The following LRRC4C variants were observed in gnomAD, a reference collection of about 807,000 sequenced individuals.
LRRC4C encodes the protein leucine-rich repeat-containing protein 4C.
LRRC4C carries 5 observed loss-of-function variants against 33.6 expected under a neutral mutation model. The ratio of observed to expected loss-of-function variants is 0.15; its 90% confidence interval spans 0.08 to 0.31. The LOEUF (loss-of-function observed/expected upper bound fraction) is 0.31, where lower values mean the gene tolerates loss of function less well. Ranked by LOEUF, LRRC4C falls within the 10% of genes least tolerant of loss-of-function variation. LRRC4C has a pLI of 1.00. For missense variants in LRRC4C, 560 were observed against 796.7 expected, an observed-to-expected ratio of 0.70 and a Z score of 3.58; for synonymous variants, 329 against 302.0, an observed-to-expected ratio of 1.09 and a Z score of -0.93.
intron 1 of LRRC4C, among the ~76,000 whole-genome samples, chr11:41,154,693 A>G (rs1944148187): frequency 1.3e-5 from 2 of 152,180 alleles, no homozygotes; most frequent in South Asian, 2.1e-4. Context: ...GAACTAATTG[A>G]TATCATTGGC....
At chr11:40,919,361 T>C (rs1007194963) in intron 2 of LRRC4C, among the ~76,000 whole-genome samples, 1 of 152,204 alleles carries the variant, frequency 6.6e-6, no homozygotes, top group Non-Finnish European at 1.5e-5. Flanking sequence ...GAAATTAAGA[T>C]AATGACAGTT....
intron 2 of LRRC4C, among the ~76,000 whole-genome samples, chr11:40,657,667 C>T (rs993977822): frequency 2.0e-5 from 3 of 152,142 alleles, no homozygotes; most frequent in Non-Finnish European, 4.4e-5. Context: ...CTTTCCAGAC[C>T]AAGCCAATGT....
At chr11:40,231,433 T>C (rs1279665894) in intron 5 of LRRC4C, among the ~76,000 whole-genome samples, 2 of 150,616 alleles carry the variant, frequency 1.3e-5, no homozygotes, top group African/African-American at 4.8e-5. Context: ...TGTATACACA[T>C]ATAAGTACAT....
At chr11:40,386,679 T>G (rs896396469) in intron 3 of LRRC4C, among the ~76,000 whole-genome samples, 1 of 152,180 alleles carries the variant, frequency 6.6e-6, no homozygotes, top group African/African-American at 2.4e-5. Context: ...TTTTCTAGCT[T>G]TCTTCGCTTT....
chr11:40,402,408 A>G (rs1183933404), intron 3 of LRRC4C, among the ~76,000 whole-genome samples: 1 of 152,102 alleles, frequency 6.6e-6, no homozygotes, highest in African/African-American at 2.4e-5. Flanking sequence ...GATATATTTT[A>G]TTCTCTTTTT....
At chr11:40,671,251 TAAAG>T (rs1179719739) in intron 2 of LRRC4C, among the ~76,000 whole-genome samples, 1 of 152,234 alleles carries the variant, frequency 6.6e-6, no homozygotes, top group Non-Finnish European at 1.5e-5. Flanking sequence ...TTTAAATTAT[TAAAG>T]AAGCTTTAGC....
intron 5 of LRRC4C, among the ~76,000 whole-genome samples, chr11:40,147,724 C>T (rs1857860775): frequency 6.6e-6 from 1 of 151,752 alleles, no homozygotes; most frequent in Non-Finnish European, 1.5e-5. Context: ...TGAGAGGAAA[C>T]TTTATTTTTT....
chr11:41,326,045 G>A (rs185477206), intron 1 of LRRC4C, among the ~76,000 whole-genome samples: 26 of 151,962 alleles, frequency 1.7e-4, no homozygotes, highest in Middle Eastern at 3.4e-3. Context: ...ATTGTTCTTG[G>A]GTGTGTCTGT....
chr11:40,235,461 T>C (rs9300033), intron 5 of LRRC4C, among the ~76,000 whole-genome samples: 116,260 of 152,130 alleles, frequency 0.76, 48,810 homozygotes, highest in East Asian at 0.96. Flanking sequence ...TGTCTAAATG[T>C]CAAAGCAAAC....
chr11:40,686,966 C>T (rs749914871), intron 2 of LRRC4C, among the ~76,000 whole-genome samples: 1 of 152,092 alleles, frequency 6.6e-6, no homozygotes, highest in Admixed American at 6.6e-5. Context: ...TCAGGCCACA[C>T]GCAAGACTTC....
chr11:40,995,949 A>G (rs954973497), intron 1 of LRRC4C, among the ~76,000 whole-genome samples: 2 of 152,148 alleles, frequency 1.3e-5, no homozygotes, highest in Non-Finnish European at 2.9e-5. Context: ...ATGAAAGTCT[A>G]CTCTAATATG....
chr11:40,511,890 G>A (rs923770754), intron 3 of LRRC4C, among the ~76,000 whole-genome samples: 1 of 152,112 alleles, frequency 6.6e-6, no homozygotes, highest in African/African-American at 2.4e-5. Flanking sequence ...ACACAAAAGT[G>A]ACTATTGTAG....
chr11:40,242,784 CA>C (rs5791365), intron 4 of LRRC4C, among the ~76,000 whole-genome samples: 1 of 149,700 alleles, frequency 6.7e-6, no homozygotes, highest in Non-Finnish European at 1.5e-5. Context: ...GTGTATCATC[CA>C]AAAAAAAACA....
At chr11:40,977,127 T>C (rs913041716) in intron 1 of LRRC4C, among the ~76,000 whole-genome samples, 1 of 151,958 alleles carries the variant, frequency 6.6e-6, no homozygotes, top group Non-Finnish European at 1.5e-5. Flanking sequence ...GGGTTTGCCC[T>C]CCTATGAAGA....
chr11:40,337,370 G>A (rs1173110922), intron 3 of LRRC4C, among the ~76,000 whole-genome samples: 1 of 152,192 alleles, frequency 6.6e-6, no homozygotes, highest in Non-Finnish European at 1.5e-5. Context: ...TCTAGCTCCT[G>A]CGCAGAGGGT....
At chr11:41,161,040 G>A (rs912186291) in intron 1 of LRRC4C, among the ~76,000 whole-genome samples, 1 of 152,156 alleles carries the variant, frequency 6.6e-6, no homozygotes, top group East Asian at 1.9e-4. Flanking sequence ...TCTAAACAGA[G>A]CAGCAGTTCT....
At chr11:40,732,266 C>T (rs958318721) in intron 2 of LRRC4C, among the ~76,000 whole-genome samples, 1 of 152,106 alleles carries the variant, frequency 6.6e-6, no homozygotes, top group Non-Finnish European at 1.5e-5. Context: ...CCAGCTAACT[C>T]AAATTGTAGC....
intron 3 of LRRC4C, among the ~76,000 whole-genome samples, chr11:40,488,738 C>T (rs2138488939): frequency 6.6e-6 from 1 of 152,168 alleles, no homozygotes; most frequent in Non-Finnish European, 1.5e-5. Context: ...TTGGACTTGA[C>T]ACATCCTGTG....
At position 40,426,715 on chromosome 11, in the gene LRRC4C, C is replaced by A. The variant is rs140063487; in HGVS notation, c.-269-106994G>T. On this transcript the variant is annotated intron_variant, in intron 3 of 6. Coordinates refer to ENST00000528697, the MANE Select transcript of LRRC4C (RefSeq NM_001258419.2). ...TTGTTGATTTTGTTCATGAATGTAT[C>A]CTGAATACTTAGAATAGTTCCAGGT... is the stretch of plus-strand genomic sequence containing the variant. Among the ~76,000 whole-genome samples the A allele has an allele frequency of 8.9e-4, 135 of 152,246 alleles. 1 individual carries two copies. Among genetic ancestry groups the A allele is most frequent in the African/African-American group, 3.1e-3 (130 of 41,538 alleles).
Sources: gnomAD v4.1 joint callset for allele counts (sites outside exome capture counted in the v4.1 genomes callset) on GRCh38, gnomAD v4.1.1 for gene constraint, MANE v1.5 for transcripts, NCBI Gene and HGNC (gene_info 2026-07-23, HGNC 2026-07-21) for gene names.